ITK: variants seen among roughly 807,000 people sequenced by gnomAD.
ITK encodes tyrosine-protein kinase ITK/TSK.
A neutral mutation model predicts 87.6 loss-of-function variants in ITK; 45 were observed. That is an observed-to-expected ratio of 0.51 (90% CI 0.40 to 0.66). ITK has a LOEUF of 0.66. Ranked by LOEUF, ITK falls within the 30% of genes least tolerant of loss-of-function variation. The pLI is 0.00. For missense variants in ITK, 605 were observed against 766.3 expected (o/e 0.79, Z 2.48); for synonymous variants, 303 against 273.6 (o/e 1.11, Z -1.06).
intron 7 of ITK, among the ~76,000 whole-genome samples, 158 bp from the exon 8 acceptor site, chr5:157,232,182 G>A (rs1157826146): frequency 1.3e-5 from 2 of 152,256 alleles, no homozygotes; most frequent in East Asian, 1.9e-4. Context: ...AGAAACATAC[G>A]TGTGCAGACT....
intron 6 of ITK, among the ~76,000 whole-genome samples, chr5:157,224,695 C>T (rs952290216): frequency 2.0e-5 from 3 of 152,110 alleles, no homozygotes; most frequent in South Asian, 2.1e-4. Context: ...GCAGGAGAAT[C>T]GCTTGAACCT....
chr5:157,211,454 G>A (rs1754191082), intron 3 of ITK, 86 bp downstream of exon 3: 4 of 1,112,096 alleles, frequency 3.6e-6, no homozygotes, highest in Non-Finnish European at 5.5e-6. Flanking sequence ...AGTGTGGTGT[G>A]AGAGCAGCTG....
chr5:157,220,063 C>T (rs1012035481), intron 5 of ITK, among the ~76,000 whole-genome samples: 16 of 152,232 alleles, frequency 1.1e-4, no homozygotes, highest in African/African-American at 3.9e-4. Context: ...TCCTCACCTT[C>T]TTGTTCTGCT....
At chr5:157,213,146 GGA>G (rs1250330272) in intron 3 of ITK, among the ~76,000 whole-genome samples, 7 of 152,180 alleles carry the variant, frequency 4.6e-5, no homozygotes, top group Non-Finnish European at 1.0e-4. Context: ...CAATCATGGT[GGA>G]AGGTGAAGGG....
chr5:157,203,810 T>C (rs566486202), intron 1 of ITK, among the ~76,000 whole-genome samples: 7 of 152,320 alleles, frequency 4.6e-5, no homozygotes, highest in African/African-American at 1.7e-4. Context: ...TAATTTAGCA[T>C]TAGACTACAA....
At chr5:157,220,018 G>A (rs753827050) in intron 5 of ITK, among the ~76,000 whole-genome samples, 7 of 152,212 alleles carry the variant, frequency 4.6e-5, no homozygotes, top group Non-Finnish European at 7.4e-5. Context: ...CCAATGCAAC[G>A]GTTCTCTTGT....
intron 5 of ITK, among the ~76,000 whole-genome samples, chr5:157,218,884 G>C (rs2113758562): frequency 6.6e-6 from 1 of 152,230 alleles, no homozygotes; most frequent in South Asian, 2.1e-4. Context: ...CAGACCTGCT[G>C]TGTCCAAAAC....
rs1755219121 is a variant in ITK, at chr5:157,254,820, A to G, written c.*2142A>G. On this transcript the variant is annotated 3_prime_UTR_variant, in exon 17 of 17. Transcript: ENST00000422843. Reference sequence around the variant, plus strand: ...CCTGTGCATGGTATTACCTTTTTCAAGCTCAGATTCATCTAATCCTCAACT... The same window carrying G: ...CCTGTGCATGGTATTACCTTTTTCAGGCTCAGATTCATCTAATCCTCAACT... The G allele has an allele frequency of 4.6e-6, 1 of 217,872 alleles. No individual in the cohort carries two copies. The highest frequency in any genetic ancestry group is 9.2e-6 in the Non-Finnish European group (1 of 108,512). The allele number at this position is 217,872 out of a possible 1,614,324, so 13.5% of individuals were successfully genotyped here. A position where few individuals can be genotyped will look rare whatever the true frequency, so the allele number is the denominator to read the frequency against.
rs1754443684 is a variant in ITK at position 157,222,690 on chromosome 5, T to C, written c.496-173T>C. On this transcript the variant is annotated intron_variant, in intron 5 of 16. Coordinates refer to ENST00000422843, the MANE Select transcript of ITK (RefSeq NM_005546.4). The stretch of plus-strand genomic sequence containing the variant: ...AGAATTTACCTCATAGAATGAGCAA[T>C]GTGATGAATTCCAAGCACTGATGTC... 5 of 657,148 alleles carry C rather than the reference T, an allele frequency of 7.6e-6. No individual in the cohort carries two copies. The South Asian group carries it at 8.6e-5, about 11-fold the overall frequency. 40.7% of individuals were successfully genotyped at this position (657,148 alleles called of 1,614,324 possible). A position where few individuals can be genotyped will look rare whatever the true frequency, so the allele number is the denominator to read the frequency against.
chr5:157,222,352 G>A (rs533928994), intron 5 of ITK, among the ~76,000 whole-genome samples: 1 of 152,172 alleles, frequency 6.6e-6, no homozygotes, highest in East Asian at 1.9e-4. Context: ...AGAGTCTTAG[G>A]GCTAATTCAA....
chr5:157,241,680 T>C lies in ITK; in HGVS notation c.1020T>C (p.Phe340=). ...CTCGACTCCGGTATCCAGTTTGTTT[T>C]GGGAGGCAGAAAGCCCCAGTTACAG... is the stretch of plus-strand genomic sequence containing the variant. ...LVTRLRYPVC[F]GRQKAPVTAG... is the part of the protein sequence containing the mutation. The change falls in exon 11 of 17, where the codon TTT becomes TTC. Residue 340 remains phenylalanine (F), a synonymous_variant. Transcript: ENST00000422843. 1 of 1,613,998 alleles carries C rather than the reference T, an allele frequency of 6.2e-7. No individual in the cohort carries two copies.
At chr5:157,217,312 G>A (rs1754318922) in intron 4 of ITK, among the ~76,000 whole-genome samples, 1 of 152,184 alleles carries the variant, frequency 6.6e-6, no homozygotes, top group African/African-American at 2.4e-5. Context: ...GAGAGATGCT[G>A]GGGTTGGTAT....
chr5:157,240,288 G>T, intron 10 of ITK, 93 bp downstream of exon 10: 1 of 1,199,226 alleles, frequency 8.3e-7, no homozygotes, highest in Non-Finnish European at 1.2e-6. Flanking sequence ...CCTTCTGTCA[G>T]ATCAGCGTCA....
chr5:157,211,462 C>T, intron 3 of ITK, 94 bp downstream of exon 3: 1 of 1,037,828 alleles, frequency 9.6e-7, no homozygotes, highest in South Asian at 1.3e-5. Flanking sequence ...GTGAGAGCAG[C>T]TGATGGCTGA....
intron 1 of ITK, among the ~76,000 whole-genome samples, chr5:157,189,016 A>G (rs1029796885): frequency 1.3e-5 from 2 of 152,132 alleles, no homozygotes; most frequent in African/African-American, 4.8e-5. Flanking sequence ...CCGGGGAATG[A>G]ATGAAGGTCA....
Position 157,227,668 on chromosome 5 carries a change from C to A in ITK, c.648-628C>A, listed in dbSNP as rs78407823. 3.1e-3 allele frequency among the ~76,000 whole-genome samples: 464 copies of A among 152,086 alleles called. 13 individuals are homozygous for A. The East Asian group carries it at 0.068, about 22-fold the overall frequency. Reference sequence around the variant, plus strand: ...TAGAAAATAGACACTGAATATTAATCTTTTTTTCCAGTAGAGGAAATTTCA... The same window carrying A: ...TAGAAAATAGACACTGAATATTAATATTTTTTTCCAGTAGAGGAAATTTCA... On this transcript the variant is annotated intron_variant, in intron 6 of 16. Transcript: ENST00000422843.
chr5:157,202,170 A>G (rs1213438425), intron 1 of ITK, among the ~76,000 whole-genome samples: 1 of 152,066 alleles, frequency 6.6e-6, no homozygotes, highest in African/African-American at 2.4e-5. Context: ...ATACTTTTCT[A>G]TGGCTGCATA....
At chr5:157,217,479 C>CT (rs1491271117) in intron 4 of ITK, among the ~76,000 whole-genome samples, 1 of 152,150 alleles carries the variant, frequency 6.6e-6, no homozygotes, top group African/African-American at 2.4e-5. Flanking sequence ...CACTGTCCCC[C>CT]TGAGTCACCA....
At chr5:157,221,474 T>G (rs1392704918) in intron 5 of ITK, among the ~76,000 whole-genome samples, 1 of 152,106 alleles carries the variant, frequency 6.6e-6, no homozygotes, top group African/African-American at 2.4e-5. Context: ...TACCAGGATA[T>G]TCGAAAGTTG....
Sources: gnomAD v4.1 joint callset for allele counts (sites outside exome capture counted in the v4.1 genomes callset) on GRCh38, gnomAD v4.1.1 for gene constraint, MANE v1.5 for transcripts, NCBI Gene and HGNC (gene_info 2026-07-23, HGNC 2026-07-21) for gene names.